RIMS2: variants seen among roughly 807,000 people sequenced by gnomAD.
RIMS2 encodes the protein regulating synaptic membrane exocytosis protein 2.
In RIMS2, 59 loss-of-function variants were observed where a neutral mutation model predicts 174.4. The ratio of observed to expected loss-of-function variants is 0.34; its 90% CI spans 0.27 to 0.42. The LOEUF (loss-of-function observed/expected upper bound fraction) is 0.42, where lower values mean the gene tolerates loss of function less well. Among genes scored for constraint, RIMS2 ranks in the 10% least tolerant of loss-of-function variants. RIMS2 has a pLI of 1.00. For missense variants in RIMS2, 1,620 were observed against 1,666.3 expected, an observed-to-expected ratio of 0.97 and a Z score of 0.48; for synonymous variants, 606 against 572.5, an observed-to-expected ratio of 1.06 and a Z score of -0.84.
At chr8:103,789,176 C>T (rs898957550) in intron 3 of RIMS2, among the ~76,000 whole-genome samples, 1 of 152,118 alleles carries the variant, frequency 6.6e-6, no homozygotes, top group African/African-American at 2.4e-5. Flanking sequence ...CTGTCTGGCA[C>T]TCCCTAGTGA....
chr8:103,983,969 C>T (rs1168590256), intron 16 of RIMS2, among the ~76,000 whole-genome samples: 3 of 151,980 alleles, frequency 2.0e-5, no homozygotes, highest in Admixed American at 2.0e-4. Context: ...GTCAGGAGAT[C>T]GAGACCATCC....
At chr8:103,963,092 A>T (rs1424599162) in intron 15 of RIMS2, among the ~76,000 whole-genome samples, 1 of 152,096 alleles carries the variant, frequency 6.6e-6, no homozygotes, top group Non-Finnish European at 1.5e-5. Context: ...TCCTCTTTAT[A>T]GCCTTTTCAT....
intron 3 of RIMS2, among the ~76,000 whole-genome samples, chr8:103,767,220 G>A (rs1418506390): frequency 6.7e-6 from 1 of 148,382 alleles, no homozygotes; most frequent in East Asian, 2.0e-4. Context: ...ATGGAGTCTC[G>A]CTCTGTCATC....
chr8:103,607,283 A>T (rs929574293), intron 1 of RIMS2, among the ~76,000 whole-genome samples: 2 of 151,930 alleles, frequency 1.3e-5, no homozygotes, highest in African/African-American at 4.8e-5. Context: ...CTGGATATGA[A>T]ATTCTGGGAT....
In RIMS2 at chr8:103,663,784, T is replaced by G. The variant is rs541054671; in HGVS notation, c.177-33302T>G. Among the ~76,000 whole-genome samples the G allele has an allele frequency of 1.6e-3, 239 of 152,302 alleles. 2 individuals are homozygous for G. Among genetic ancestry groups the G allele is most frequent in the African/African-American group, 5.2e-3 (217 of 41,568 alleles). ...CTTCACAGAATTGGAAAAAAACTAC[T>G]TTAAAGTTCATATGGAACCAAAAAA... On this transcript the variant is annotated intron_variant, in intron 1 of 23. Coordinates refer to ENST00000504942, the Ensembl canonical transcript of RIMS2.
intron 1 of RIMS2, among the ~76,000 whole-genome samples, chr8:103,615,331 G>A (rs983857422): frequency 5.9e-5 from 9 of 152,120 alleles, no homozygotes; most frequent in African/African-American, 2.2e-4. Flanking sequence ...TGAAAATAAT[G>A]AGAACAAAGA....
intron 19 of RIMS2, among the ~76,000 whole-genome samples, chr8:104,153,691 A>G (rs1018168761): frequency 6.6e-5 from 10 of 152,188 alleles, no homozygotes; most frequent in Admixed American, 3.3e-4. Flanking sequence ...GGTAACTTGA[A>G]TCAAGAAGAA....
chr8:103,956,704 G>A (rs935182277), intron 14 of RIMS2, among the ~76,000 whole-genome samples: 1 of 152,150 alleles, frequency 6.6e-6, no homozygotes, highest in Non-Finnish European at 1.5e-5. Context: ...AAGACTTCAT[G>A]ACTAAAACAC....
intron 3 of RIMS2, among the ~76,000 whole-genome samples, chr8:103,834,684 CTTTCTTT>C (rs2098848980): frequency 6.3e-4 from 32 of 50,734 alleles, no homozygotes; most frequent in South Asian, 4.1e-3. Context: ...CTTTTTCTTT[CTTTCTTT>C]CTTTCTTTCT....
At chr8:104,038,857 G>A (rs1156439984) in intron 19 of RIMS2, among the ~76,000 whole-genome samples, 11 of 151,700 alleles carry the variant, frequency 7.3e-5, no homozygotes, top group African/African-American at 2.7e-4. Context: ...GAGATTTTAT[G>A]CATTACATGA....
chr8:103,916,680 C>A, intron 8 of RIMS2, 143 bp downstream of exon 11: 1 of 590,832 alleles, frequency 1.7e-6, no homozygotes, highest in Non-Finnish European at 2.8e-6. Context: ...TTAACAAAAG[C>A]ACCACACCAA....
chr8:103,791,541 T>C (rs148881609), intron 3 of RIMS2, among the ~76,000 whole-genome samples: 23,905 of 152,008 alleles, frequency 0.16, 1,986 homozygotes, highest in Middle Eastern at 0.24. Context: ...GCTAACATCA[T>C]AATGACAGGA....
At chr8:103,958,085 A>C (rs894873751) in intron 14 of RIMS2, among the ~76,000 whole-genome samples, 1 of 152,230 alleles carries the variant, frequency 6.6e-6, no homozygotes, top group Admixed American at 6.5e-5. Context: ...TCATTCTACC[A>C]TAATGACACA....
At chr8:103,790,180 G>T (rs1255846427) in intron 3 of RIMS2, among the ~76,000 whole-genome samples, 3 of 152,162 alleles carry the variant, frequency 2.0e-5, no homozygotes, top group Non-Finnish European at 2.9e-5. Flanking sequence ...TTTTGAAGTT[G>T]TCCAACTATT....
chr8:104,183,240 T>C (rs2098949978), intron 19 of RIMS2, among the ~76,000 whole-genome samples: 1 of 151,786 alleles, frequency 6.6e-6, no homozygotes, highest in South Asian at 2.1e-4. Context: ...CTATGTTCTG[T>C]ATTAACTTTG....
rs554560923 is a variant in RIMS2, at chr8:103,840,983, AG to A, written c.699-44312del. Among the ~76,000 whole-genome samples the A allele has an allele frequency of 6.1e-3, 935 of 152,294 alleles. 12 individuals are homozygous for A. The highest frequency in any genetic ancestry group is 0.021 in the African/African-American group (885 of 41,560). ...AAAAGCTTCCTGCATCAGTGAAGGA[AG>A]GGCTTTGAAATAGGCAGGAATGCTA... On this transcript the variant is annotated intron_variant, in intron 3 of 23. Coordinates refer to ENST00000504942, the Ensembl canonical transcript of RIMS2.
chr8:103,994,075 A>G (rs1407670321), intron 17 of RIMS2, among the ~76,000 whole-genome samples: 1 of 151,400 alleles, frequency 6.6e-6, no homozygotes, highest in Non-Finnish European at 1.5e-5. Context: ...AAAAAGAATA[A>G]AAAAAATGTT....
At chr8:104,181,456 TTAATC>T (rs1305987618) in intron 19 of RIMS2, among the ~76,000 whole-genome samples, 2 of 151,626 alleles carry the variant, frequency 1.3e-5, no homozygotes, top group African/African-American at 4.8e-5. Flanking sequence ...GGTAAAATCT[TTAATC>T]TGAGCCGTCA....
intron 1 of RIMS2, among the ~76,000 whole-genome samples, chr8:103,568,130 A>G (rs565234567): frequency 5.9e-5 from 9 of 151,892 alleles, no homozygotes; most frequent in Non-Finnish European, 8.8e-5. Context: ...ATAAAAGTAA[A>G]TGAAATAAAA....
Sources: allele counts gnomAD v4.1 joint callset (sites outside exome capture counted in the v4.1 genomes callset), GRCh38; gene constraint gnomAD v4.1.1; transcripts MANE v1.5; gene names NCBI Gene and HGNC (gene_info 2026-07-23, HGNC 2026-07-21).